Variants in TANK observed in about 807,000 individuals in gnomAD.
TANK encodes TRAF family member-associated NF-kappa-B activator.
TANK carries 15 observed loss-of-function variants against 43.6 expected under a neutral mutation model. The observed-to-expected ratio is 0.34, with a 90% CI of 0.23 to 0.53. The LOEUF (loss-of-function observed/expected upper bound fraction) is 0.53. Ranked by LOEUF, TANK falls within the 20% of genes least tolerant of loss-of-function variation. TANK has a pLI of 0.94. For missense variants in TANK, 417 were observed against 498.6 expected (o/e 0.84, Z 1.56); for synonymous variants, 162 against 178.2 (o/e 0.91, Z 0.73).
At chr2:161,202,041 G>C (rs1168270009) in intron 2 of TANK, among the ~76,000 whole-genome samples, 2 of 152,146 alleles carry the variant, frequency 1.3e-5, no homozygotes, top group Non-Finnish European at 2.9e-5. Flanking sequence ...GTGAAACTAT[G>C]TAAGACTGCC....
chr2:161,186,062 C>T (rs907622419), intron 2 of TANK, among the ~76,000 whole-genome samples: 1 of 152,058 alleles, frequency 6.6e-6, no homozygotes, highest in African/African-American at 2.4e-5. Flanking sequence ...CCCAGCTACC[C>T]AGGAGGCTGA....
At chr2:161,192,657 C>A (rs749792197) in intron 2 of TANK, among the ~76,000 whole-genome samples, 1 of 152,140 alleles carries the variant, frequency 6.6e-6, no homozygotes, top group Non-Finnish European at 1.5e-5. Context: ...GCGCACTAAT[C>A]TCAAATACAC....
intron 1 of TANK, among the ~76,000 whole-genome samples, chr2:161,165,587 A>G (rs946437436): frequency 6.6e-6 from 1 of 152,192 alleles, no homozygotes; most frequent in African/African-American, 2.4e-5. Flanking sequence ...CACAAATCCT[A>G]GAGGATTGTA....
intron 1 of TANK, chr2:161,163,416 C>G (rs989115651): frequency 4.6e-5 from 7 of 152,174 alleles, no homozygotes; most frequent in African/African-American, 1.7e-4. Flanking sequence ...CCCCCCTACA[C>G]ACAACTTTTT....
intron 2 of TANK, among the ~76,000 whole-genome samples, chr2:161,185,383 A>G (rs1685610127): frequency 6.6e-6 from 1 of 151,958 alleles, no homozygotes; most frequent in Admixed American, 6.6e-5. Context: ...GGCTGAGGAG[A>G]ATTAGGGAAT....
At chr2:161,230,861 G>T in intron 6 of TANK, 110 bp from the exon 7 acceptor site, 1 of 844,948 alleles carries the variant, frequency 1.2e-6, no homozygotes, top group East Asian at 2.7e-5. Context: ...GTCTTCATTT[G>T]CTATAAAAAC....
chr2:161,207,036 A>G (rs993122878), intron 4 of TANK, among the ~76,000 whole-genome samples: 1 of 152,074 alleles, frequency 6.6e-6, no homozygotes, highest in Non-Finnish European at 1.5e-5. Context: ...TTTAATTTGG[A>G]TAATTTGTTA....
In TANK at chr2:161,204,790, A is replaced by G. The variant is rs774439363; in HGVS notation, c.324A>G (p.Pro108=). The G allele has an allele frequency of 8.1e-6, 13 of 1,605,342 alleles. No individual in the cohort carries two copies. The Admixed American group carries it at 2.1e-4, about 26-fold the overall frequency. Residue 108 remains proline (P), a synonymous_variant, in exon 4 of 8, where the codon CCA becomes CCG. Transcript: ENST00000392749. ...CAGGAATAGCAAGAGAAAAACTACC[A>G]AAGGTAGACATTGCTTCTGCAGAAA... ...VISGIAREKL[P]KVRRQEVSSP... is the part of the protein sequence containing the mutation.
intron 2 of TANK, among the ~76,000 whole-genome samples, chr2:161,181,707 T>C (rs1041807493): frequency 6.6e-6 from 1 of 152,174 alleles, no homozygotes; most frequent in Admixed American, 6.5e-5. Flanking sequence ...TCCGCCTCCA[T>C]GATCCAGTCA....
At chr2:161,193,266 A>G (rs958160270) in intron 2 of TANK, among the ~76,000 whole-genome samples, 5 of 152,238 alleles carry the variant, frequency 3.3e-5, no homozygotes, top group Non-Finnish European at 5.9e-5. Context: ...TAATCACAAT[A>G]GCCTCTGACC....
At chr2:161,200,968 CTG>C (rs933096816) in intron 2 of TANK, 2 of 299,850 alleles carry the variant, frequency 6.7e-6, no homozygotes, top group Admixed American at 6.5e-5. Flanking sequence ...GCCAGGCACT[CTG>C]TAATACTCTG....
At chr2:161,206,043 C>T (rs958406023) in intron 4 of TANK, among the ~76,000 whole-genome samples, 1 of 152,074 alleles carries the variant, frequency 6.6e-6, no homozygotes, top group Non-Finnish European at 1.5e-5. Flanking sequence ...CACACATCTT[C>T]TTTAGAAAAA....
chr2:161,151,367 T>G lies in TANK; in HGVS notation c.-50+14304T>G, dbSNP rs76556797. 2.7e-3 allele frequency among the ~76,000 whole-genome samples: 416 copies of G among 152,288 alleles called. 3 individuals are homozygous for G. Among genetic ancestry groups the G allele is most frequent in the African/African-American group, 9.8e-3 (406 of 41,568 alleles). ...CTATTTATTATTAAAAGTGACATAATGTAGTCTCCAGTGACTATTGTAGTA... is the reference window on the plus strand; with the variant it reads ...CTATTTATTATTAAAAGTGACATAAGGTAGTCTCCAGTGACTATTGTAGTA... On this transcript the variant is annotated intron_variant, in intron 1 of 7. Coordinates refer to the TANK transcript ENST00000259075.
intron 7 of TANK, among the ~76,000 whole-genome samples, chr2:161,235,073 A>AT (rs1688115022): frequency 6.6e-6 from 1 of 152,226 alleles, no homozygotes; most frequent in Admixed American, 6.5e-5. Flanking sequence ...TAAAAATTGC[A>AT]TGCTAAAGCT....
At chr2:161,234,714 A>G (rs1301910967) in intron 7 of TANK, among the ~76,000 whole-genome samples, 3 of 152,230 alleles carry the variant, frequency 2.0e-5, no homozygotes, top group African/African-American at 7.2e-5. Flanking sequence ...TAAGAAGTCA[A>G]AACACTGCAT....
chr2:161,203,425 A>G (rs1414951934), intron 2 of TANK, 62 bp from the exon 3 acceptor site: 13 of 1,090,992 alleles, frequency 1.2e-5, no homozygotes, highest in Non-Finnish European at 1.8e-5. Flanking sequence ...TTATCAATGG[A>G]TGGTAAATAT....
intron 4 of TANK, among the ~76,000 whole-genome samples, chr2:161,210,654 G>GC (rs1194951204): frequency 6.8e-6 from 1 of 147,486 alleles, no homozygotes; most frequent in Non-Finnish European, 1.5e-5. Flanking sequence ...CTGAGATCAC[G>GC]CCACTGCACT....
chr2:161,176,641 A>G (rs1685185913), intron 1 of TANK, among the ~76,000 whole-genome samples: 1 of 152,170 alleles, frequency 6.6e-6, no homozygotes, highest in Non-Finnish European at 1.5e-5. Flanking sequence ...CACAAACTCA[A>G]GAACTGTAGA....
At chr2:161,143,860 A>G (rs571070372) in intron 1 of TANK, among the ~76,000 whole-genome samples, 14 of 151,982 alleles carry the variant, frequency 9.2e-5, no homozygotes, top group African/African-American at 3.1e-4. Context: ...CCTCCTTTTC[A>G]ATTGTTTGAA....
Sources: gnomAD v4.1 joint callset for allele counts (sites outside exome capture counted in the v4.1 genomes callset) on GRCh38, gnomAD v4.1.1 for gene constraint, MANE v1.5 for transcripts, NCBI Gene and HGNC (gene_info 2026-07-23, HGNC 2026-07-21) for gene names.